The following MIB1 variants were observed in gnomAD, a reference collection of about 807,000 sequenced individuals.
MIB1 encodes the protein E3 ubiquitin-protein ligase MIB1.
MIB1 carries 278 observed loss-of-function variants against 124.5 expected under a neutral mutation model. That is an observed-to-expected ratio of 2.23 (90% confidence interval 2.02 to 2.47). The LOEUF is 2.47. Ranked by LOEUF, MIB1 falls within the 30% of genes most tolerant of loss-of-function variation. The probability of loss-of-function intolerance (pLI) is 0.00; values close to 1 mark genes in which losing one functional copy is unlikely to be tolerated. For synonymous variants in MIB1, 446 were observed against 429.4 expected, an observed-to-expected ratio of 1.04 and a Z score of -0.48; for missense variants, 957 against 1,254.4, an observed-to-expected ratio of 0.76 and a Z score of 3.58.
At chr18:21,759,254 T>G (rs1485405132) in intron 1 of MIB1, among the ~76,000 whole-genome samples, 1 of 151,454 alleles carries the variant, frequency 6.6e-6, no homozygotes, top group Non-Finnish European at 1.5e-5. Flanking sequence ...TATATATATA[T>G]TTTTTTGAGA....
chr18:21,834,429 T>C (rs1027071977), intron 12 of MIB1, among the ~76,000 whole-genome samples: 2 of 152,208 alleles, frequency 1.3e-5, no homozygotes, highest in African/African-American at 2.4e-5. Flanking sequence ...AAGTGTGGGC[T>C]GTACATAGTC....
At chr18:21,716,851 CA>C (rs1219849410) in intron 1 of MIB1, among the ~76,000 whole-genome samples, 20 of 144,208 alleles carry the variant, frequency 1.4e-4, no homozygotes, top group Admixed American at 3.5e-4. Context: ...GACTCTATCT[CA>C]AAAAAAAAAG....
chr18:21,761,014 TG>T (rs1211608522), intron 1 of MIB1, among the ~76,000 whole-genome samples: 1 of 152,232 alleles, frequency 6.6e-6, no homozygotes, highest in Non-Finnish European at 1.5e-5. Context: ...TGGTATTTTT[TG>T]TCGGCTTTCC....
chr18:21,796,730 T>C (rs1372740029), intron 7 of MIB1, among the ~76,000 whole-genome samples: 2 of 152,184 alleles, frequency 1.3e-5, no homozygotes, highest in African/African-American at 4.8e-5. Context: ...GAGAAATGGC[T>C]AATTCTGACT....
rs1345954165 is a variant in MIB1, at chr18:21,722,638, G to A, written n.167+17515G>A. The stretch of plus-strand genomic sequence containing the variant: ...CTTGCCTCAGCCTCTCAAAGTGCTG[G>A]AATTACAGGCATGAGCCACCATGCC... On this transcript the variant is annotated intron_variant and non_coding_transcript_variant, in intron 1 of 20. Coordinates refer to the MIB1 transcript ENST00000578646. 2.6e-5 allele frequency among the ~76,000 whole-genome samples: 4 copies of A among 152,118 alleles called. No individual in the cohort carries two copies. The East Asian group carries it at 5.8e-4, about 22-fold the overall frequency.
At chr18:21,724,806 A>G (rs2040733859) in intron 1 of MIB1, among the ~76,000 whole-genome samples, 1 of 128,082 alleles carries the variant, frequency 7.8e-6, no homozygotes, top group African/African-American at 2.9e-5. Context: ...GAAATGACAA[A>G]TGTTGGCCCG....
chr18:21,806,326 A>G (rs573192858), intron 10 of MIB1, among the ~76,000 whole-genome samples: 226 of 151,410 alleles, frequency 1.5e-3, no homozygotes, highest in African/African-American at 5.0e-3. Context: ...TCAGCCTCCC[A>G]GGTAGCTAGG....
chr18:21,726,924 T>C (rs1462691169), intron 1 of MIB1, among the ~76,000 whole-genome samples: 1 of 152,152 alleles, frequency 6.6e-6, no homozygotes, highest in Non-Finnish European at 1.5e-5. Flanking sequence ...GTGAAGATCA[T>C]TCACTTTGGC....
chr18:21,811,536 TAAAAA>T (rs1435973455), intron 10 of MIB1, among the ~76,000 whole-genome samples: 1 of 152,124 alleles, frequency 6.6e-6, no homozygotes, highest in Non-Finnish European at 1.5e-5. Context: ...TCATTAAACT[TAAAAA>T]GAAAGGAAAT....
At chr18:21,798,018 A>G in intron 7 of MIB1, 66 bp from the exon 8 acceptor site, 1 of 1,492,966 alleles carries the variant, frequency 6.7e-7, no homozygotes. Flanking sequence ...AGCATATAAA[A>G]ACTAGTGATT....
At chr18:21,834,979 A>G (rs2042013485) in intron 12 of MIB1, among the ~76,000 whole-genome samples, 1 of 152,200 alleles carries the variant, frequency 6.6e-6, no homozygotes, top group Admixed American at 6.5e-5. Context: ...TGTTCTATAA[A>G]TCTAACATTG....
chr18:21,863,698 A>C (rs2042296222), intron 20 of MIB1, among the ~76,000 whole-genome samples: 1 of 152,056 alleles, frequency 6.6e-6, no homozygotes, highest in Non-Finnish European at 1.5e-5. Context: ...ATTGGTAAAA[A>C]GACATTATTT....
chr18:21,791,361 T>G lies in MIB1; in HGVS notation c.909-13T>G. The stretch of plus-strand genomic sequence containing the variant: ...AAAGCTACCCATTTTGAGGTTTAGC[T>G]TTGCTCTTGTAGGTGGACCTTCAAT... On this transcript the variant is annotated splice_polypyrimidine_tract_variant and intron_variant, in intron 6 of 20. Transcript: ENST00000261537. 3.1e-6 allele frequency: 5 copies of G among 1,589,060 alleles called. No individual in the cohort carries two copies. The highest frequency in any genetic ancestry group is 4.3e-6 in the Non-Finnish European group (5 of 1,167,398).
chr18:21,814,580 C>CT (rs1302501296), intron 10 of MIB1, among the ~76,000 whole-genome samples: 1 of 151,828 alleles, frequency 6.6e-6, no homozygotes, highest in Admixed American at 6.6e-5. Flanking sequence ...GACCCTGATT[C>CT]TTTTTTTATT....
chr18:21,733,012 C>T (rs142156626), intron 1 of MIB1, among the ~76,000 whole-genome samples: 99 of 152,272 alleles, frequency 6.5e-4, no homozygotes, highest in African/African-American at 1.7e-3. Context: ...TGCTTGTGAC[C>T]GGTCCACTTT....
At chr18:21,828,502 A>C (rs1173295629) in intron 12 of MIB1, 1 of 151,968 alleles carries the variant, frequency 6.6e-6, no homozygotes. Flanking sequence ...AAATTCCTCT[A>C]ATATTAATTA....
intron 4 of MIB1, among the ~76,000 whole-genome samples, chr18:21,775,225 G>GC (rs1568196103): frequency 1.3e-5 from 2 of 151,874 alleles, no homozygotes; most frequent in African/African-American, 4.8e-5. Context: ...GATTACAGGC[G>GC]CGAGCCACCA....
intron 16 of MIB1, among the ~76,000 whole-genome samples, chr18:21,848,247 G>C (rs953831980): frequency 6.6e-6 from 1 of 152,144 alleles, no homozygotes; most frequent in Non-Finnish European, 1.5e-5. Context: ...ATTGAGGTCA[G>C]GAGTTCAAGA....
chr18:21,823,343 G>T (rs889743282), intron 12 of MIB1, among the ~76,000 whole-genome samples: 3 of 151,216 alleles, frequency 2.0e-5, no homozygotes, highest in Non-Finnish European at 4.4e-5. Context: ...TGAGACTGCA[G>T]TGAGGTATGA....
Sources: gnomAD v4.1 joint callset for allele counts (sites outside exome capture counted in the v4.1 genomes callset) on GRCh38, gnomAD v4.1.1 for gene constraint, MANE v1.5 for transcripts, NCBI Gene and HGNC (gene_info 2026-07-23, HGNC 2026-07-21) for gene names.